ST3GAL3: variants seen among roughly 807,000 people sequenced by gnomAD.
ST3GAL3 encodes ST3 beta-galactoside alpha-2,3-sialyltransferase 3.
In ST3GAL3, 21 loss-of-function variants were observed where a neutral mutation model predicts 50.1. That is an observed-to-expected ratio of 0.42 (90% CI 0.30 to 0.60). The LOEUF is 0.60. Ranked by LOEUF, ST3GAL3 falls within the 20% of genes least tolerant of loss-of-function variation. The pLI, the probability that ST3GAL3 is intolerant of heterozygous loss-of-function variation, is 0.19. For missense variants in ST3GAL3, 353 were observed against 489.4 expected (o/e 0.72, Z 2.63); for synonymous variants, 183 against 190.0 (o/e 0.96, Z 0.30).
intron 5 of ST3GAL3, among the ~76,000 whole-genome samples, chr1:43,890,291 G>A (rs148480906): frequency 7.2e-5 from 11 of 152,196 alleles, no homozygotes; most frequent in African/African-American, 2.4e-4. Flanking sequence ...AAGTGGATGG[G>A]GTATAAAAGA....
At chr1:43,824,663 A>G (rs2062546339) in intron 4 of ST3GAL3, 1 of 1,609,394 alleles carries the variant, frequency 6.2e-7, no homozygotes, top group South Asian at 1.1e-5. Context: ...CCCACTGTTC[A>G]AAGACTTTCT....
Position 43,834,415 on chromosome 1 carries a change from C to T in ST3GAL3, c.210-3804C>T, listed in dbSNP as rs75472651. On this transcript the variant is annotated intron_variant, in intron 4 of 11. Coordinates refer to ENST00000347631, the MANE Select transcript of ST3GAL3 (RefSeq NM_006279.5). ...CTGTTTTCTCTTAAACCCAGTGAAACGAGTTTCACCTCCACATTCCAGTGG... is the reference window on the plus strand; with the variant it reads ...CTGTTTTCTCTTAAACCCAGTGAAATGAGTTTCACCTCCACATTCCAGTGG... Among the ~76,000 whole-genome samples the T allele has an allele frequency of 9.6e-3, 1,455 of 152,254 alleles. 20 individuals are homozygous for T. The highest frequency in any genetic ancestry group is 0.034 in the African/African-American group (1,392 of 41,544).
chr1:43,708,855 A>G (rs1488085619), intron 1 of ST3GAL3, among the ~76,000 whole-genome samples: 1 of 152,258 alleles, frequency 6.6e-6, no homozygotes, highest in African/African-American at 2.4e-5. Flanking sequence ...AATCAATGGA[A>G]CGCCTCTTGA....
intron 5 of ST3GAL3, among the ~76,000 whole-genome samples, chr1:43,891,475 A>G (rs376145590): frequency 6.6e-6 from 1 of 152,204 alleles, no homozygotes; most frequent in South Asian, 2.1e-4. Flanking sequence ...AGGCTGAGGC[A>G]GGAGAATCAC....
intron 2 of ST3GAL3, among the ~76,000 whole-genome samples, chr1:43,782,216 T>C (rs1456549828): frequency 6.6e-6 from 1 of 152,192 alleles, no homozygotes; most frequent in Non-Finnish European, 1.5e-5. Flanking sequence ...TATTCTGTGG[T>C]AGTATTTTCT....
chr1:43,850,547 T>G, intron 5 of ST3GAL3: 1 of 697,656 alleles, frequency 1.4e-6, no homozygotes, highest in Non-Finnish European at 2.7e-6. Flanking sequence ...CCAGCCGCAG[T>G]CCACTGGGCC....
At chr1:43,869,303 C>A (rs1047780170) in intron 5 of ST3GAL3, among the ~76,000 whole-genome samples, 1 of 152,158 alleles carries the variant, frequency 6.6e-6, no homozygotes, top group Non-Finnish European at 1.5e-5. Flanking sequence ...CCACGTAGGA[C>A]GAGTCTAATC....
rs995043122 is a variant in ST3GAL3, at chr1:43,752,898, C to T, written c.118+16518C>T. Among the ~76,000 whole-genome samples, 17 of 152,320 alleles carry T rather than the reference C, an allele frequency of 1.1e-4. No homozygotes were observed. The East Asian group carries it at 3.3e-3, about 29-fold the overall frequency. The stretch of plus-strand genomic sequence containing the variant: ...ACTGGATGATAGAGATGGACTGTCT[C>T]TCTACAAACAAATTTTAGAGGATTA... On this transcript the variant is annotated intron_variant, in intron 2 of 11. Coordinates refer to ENST00000347631, the MANE Select transcript of ST3GAL3 (RefSeq NM_006279.5).
At chr1:43,775,069 C>T (rs1463216489) in intron 2 of ST3GAL3, among the ~76,000 whole-genome samples, 3 of 152,128 alleles carry the variant, frequency 2.0e-5, no homozygotes, top group African/African-American at 7.2e-5. Context: ...CTCCCTGATT[C>T]TGGCGCGTTC....
At chr1:43,865,031 T>C (rs1302274613) in intron 5 of ST3GAL3, among the ~76,000 whole-genome samples, 1 of 151,490 alleles carries the variant, frequency 6.6e-6, no homozygotes, top group Non-Finnish European at 1.5e-5. Flanking sequence ...TTTTTTTTTT[T>C]TTTGAGACAG....
intron 1 of ST3GAL3, chr1:43,727,172 G>A (rs1673332548): frequency 6.6e-6 from 1 of 151,842 alleles, no homozygotes; most frequent in South Asian, 2.1e-4. Context: ...TTTTCCTTTT[G>A]ACCTGTCCTC....
chr1:43,813,242 C>G (rs1186017312), intron 3 of ST3GAL3, among the ~76,000 whole-genome samples: 2 of 152,116 alleles, frequency 1.3e-5, no homozygotes, highest in Non-Finnish European at 1.5e-5. Context: ...ATGAGAGTTC[C>G]CCCAGGGTTT....
rs1287676136 is a variant in ST3GAL3, at chr1:43,930,880, C to T, written c.*659C>T. 6.1e-6 allele frequency: 1 copy of T among 163,282 alleles called. No homozygotes were observed. The highest frequency in any genetic ancestry group is 2.4e-5 in the African/African-American group (1 of 41,608). 10.1% of individuals were successfully genotyped at this position (163,282 alleles called of 1,614,324 possible). A position where few individuals can be genotyped will look rare whatever the true frequency, so the allele number is the denominator to read the frequency against. ...CATCCCTTCGGAGCCAACAAGACCG[C>T]CCCAGGGCTATAGCAGAAAGAACTT... On this transcript the variant is annotated 3_prime_UTR_variant, in exon 12 of 12. Transcript: ENST00000347631.
At chr1:43,785,384 G>A (rs2154146007) in intron 2 of ST3GAL3, among the ~76,000 whole-genome samples, 1 of 152,336 alleles carries the variant, frequency 6.6e-6, no homozygotes, top group Middle Eastern at 3.4e-3. Context: ...CATCCAGAAG[G>A]TAGAGGCCTG....
At chr1:43,790,838 A>G (rs986227600) in intron 2 of ST3GAL3, among the ~76,000 whole-genome samples, 4 of 151,472 alleles carry the variant, frequency 2.6e-5, no homozygotes, top group Non-Finnish European at 5.9e-5. Context: ...GTGTTTCACC[A>G]TGTTGACCAG....
At chr1:43,817,243 T>G (rs2061346725) in intron 4 of ST3GAL3, among the ~76,000 whole-genome samples, 1 of 152,248 alleles carries the variant, frequency 6.6e-6, no homozygotes, top group Non-Finnish European at 1.5e-5. Context: ...ATAAAAGCGT[T>G]CCATAAAGTA....
At chr1:43,808,896 G>A (rs1161356787) in intron 3 of ST3GAL3, among the ~76,000 whole-genome samples, 2 of 152,196 alleles carry the variant, frequency 1.3e-5, no homozygotes, top group Non-Finnish European at 1.5e-5. Flanking sequence ...AATGCATGGG[G>A]TATCTCATAG....
chr1:43,884,417 C>T (rs570812894), intron 5 of ST3GAL3, among the ~76,000 whole-genome samples: 2 of 152,340 alleles, frequency 1.3e-5, no homozygotes, highest in South Asian at 4.1e-4. Flanking sequence ...ACATATTTGA[C>T]AGGGCATTTA....
intron 1 of ST3GAL3, among the ~76,000 whole-genome samples, chr1:43,709,219 G>C (rs1213911995): frequency 6.6e-6 from 1 of 152,140 alleles, no homozygotes; most frequent in East Asian, 1.9e-4. Flanking sequence ...TTTCTTAGCA[G>C]AAAAAGCAGG....
Sources: allele counts gnomAD v4.1 joint callset (sites outside exome capture counted in the v4.1 genomes callset), GRCh38; gene constraint gnomAD v4.1.1; transcripts MANE v1.5; gene names NCBI Gene and HGNC (gene_info 2026-07-23, HGNC 2026-07-21).